Variants in CNTN6 observed in about 807,000 individuals in gnomAD.
CNTN6 encodes the protein contactin-6.
CNTN6 carries 137 observed loss-of-function variants against 122.8 expected under a neutral mutation model. The ratio of observed to expected loss-of-function variants is 1.12; its 90% CI spans 0.97 to 1.29. The LOEUF (loss-of-function observed/expected upper bound fraction) is 1.29. Among genes scored for constraint, CNTN6 ranks in the 50% most tolerant of loss-of-function variants. CNTN6 has a pLI of 0.00. For synonymous variants in CNTN6, 570 were observed against 426.0 expected (o/e 1.34, Z -4.16); for missense variants, 1,634 against 1,223.4 (o/e 1.34, Z -5.01).
chr3:1,124,438 C>A (rs1046022235), intron 1 of CNTN6, among the ~76,000 whole-genome samples: 3 of 151,888 alleles, frequency 2.0e-5, no homozygotes, highest in African/African-American at 7.2e-5. Flanking sequence ...TTCTCTTAGT[C>A]AAGTTACCTT....
chr3:1,325,782 T>A (rs749371369), intron 8 of CNTN6, 33 bp from the exon 9 acceptor site: 23 of 1,603,894 alleles, frequency 1.4e-5, no homozygotes, highest in Non-Finnish European at 2.0e-5. Context: ...AACTGCCTTT[T>A]ACCAAACAGT....
chr3:1,245,457 C>A (rs571542019), intron 4 of CNTN6, among the ~76,000 whole-genome samples: 11 of 146,970 alleles, frequency 7.5e-5, no homozygotes, highest in African/African-American at 2.8e-4. Flanking sequence ...AAACATCATA[C>A]GTTCTTATTC....
chr3:1,283,542 A>G (rs575728614), intron 5 of CNTN6, among the ~76,000 whole-genome samples: 2 of 152,336 alleles, frequency 1.3e-5, no homozygotes, highest in South Asian at 2.1e-4. Context: ...ATAAACTTCC[A>G]TGGACCCAGT....
intron 2 of CNTN6, among the ~76,000 whole-genome samples, chr3:1,172,620 C>CTGTGTGTGTGTGTGTGTG (rs3836248): frequency 6.7e-6 from 1 of 150,180 alleles, no homozygotes; most frequent in Non-Finnish European, 1.5e-5. Flanking sequence ...CAATAACTCT[C>CTGTGTGTGTGTGTGTGTG]TGTGTGTGTG....
intron 1 of CNTN6, among the ~76,000 whole-genome samples, chr3:1,125,174 T>C (rs1039484018): frequency 2.0e-5 from 3 of 152,022 alleles, no homozygotes; most frequent in Non-Finnish European, 4.4e-5. Context: ...GGAAATATTT[T>C]TATTTTAGTT....
chr3:1,182,858 G>GA (rs932862245), intron 2 of CNTN6, among the ~76,000 whole-genome samples: 1 of 151,468 alleles, frequency 6.6e-6, no homozygotes, highest in Non-Finnish European at 1.5e-5. Context: ...TTTCTTTTTT[G>GA]AAAAAAGTCA....
At chr3:1,255,335 G>T (rs532942464) in intron 4 of CNTN6, among the ~76,000 whole-genome samples, 1 of 151,956 alleles carries the variant, frequency 6.6e-6, no homozygotes, top group African/African-American at 2.4e-5. Context: ...TATGAGGAAT[G>T]GGGTAAGAAT....
chr3:1,179,975 T>A (rs2093523340), intron 2 of CNTN6, among the ~76,000 whole-genome samples: 1 of 152,174 alleles, frequency 6.6e-6, no homozygotes. Flanking sequence ...GGCACATATC[T>A]TTTTTTAGGT....
chr3:1,206,733 A>G (rs538401909), intron 2 of CNTN6, among the ~76,000 whole-genome samples: 1 of 152,282 alleles, frequency 6.6e-6, no homozygotes, highest in South Asian at 2.1e-4. Context: ...CACTCCACTC[A>G]GCAACTCTTG....
At position 1,333,478 on chromosome 3, in the gene CNTN6, A is replaced by C. The variant is rs755004914; in HGVS notation, c.1364+3543A>C. Among the ~76,000 whole-genome samples the C allele has an allele frequency of 3.3e-5, 5 of 152,226 alleles. No homozygotes were observed. In the South Asian group the frequency reaches 1.0e-3, roughly 32 times the overall value. ...ACACAGTTGTATATATATGAAGAAT[A>C]AAAAAGTCAGATATAGGAAAAAAGT... On this transcript the variant is annotated intron_variant, in intron 11 of 22. Transcript: ENST00000446702.
At chr3:1,240,692 A>G (rs1213820243) in intron 4 of CNTN6, among the ~76,000 whole-genome samples, 2 of 151,290 alleles carry the variant, frequency 1.3e-5, no homozygotes, top group Admixed American at 6.6e-5. Context: ...CCAGAGGAAA[A>G]GAAGTTATTA....
At chr3:1,200,932 T>C (rs1432470254) in intron 2 of CNTN6, among the ~76,000 whole-genome samples, 2 of 148,576 alleles carry the variant, frequency 1.3e-5, no homozygotes, top group Non-Finnish European at 1.5e-5. Flanking sequence ...GTTCTTTTTT[T>C]CTTTTTTTTT....
rs2125901160 is a variant in CNTN6, at chr3:1,304,022, A to G, written c.761+6031A>G. ...ATGTGACACTCCTATGCAGATCTTCAGAGCACATTATTTGAGTAATGCCAT... is the reference window on the plus strand; with the variant it reads ...ATGTGACACTCCTATGCAGATCTTCGGAGCACATTATTTGAGTAATGCCAT... On this transcript the variant is annotated intron_variant, in intron 7 of 22. Transcript: ENST00000446702. Among the ~76,000 whole-genome samples, 3 of 152,304 alleles carry G rather than the reference A, an allele frequency of 2.0e-5. No individual in the cohort carries two copies. The South Asian group carries it at 6.2e-4, about 32-fold the overall frequency.
At chr3:1,197,398 G>C (rs767150865) in intron 2 of CNTN6, among the ~76,000 whole-genome samples, 2 of 152,134 alleles carry the variant, frequency 1.3e-5, no homozygotes, top group African/African-American at 4.8e-5. Context: ...CTTGCTAATC[G>C]GCCTTTGTGA....
intron 12 of CNTN6, among the ~76,000 whole-genome samples, chr3:1,354,837 C>A (rs73094907): frequency 0.029 from 4,369 of 151,544 alleles, 231 homozygotes; most frequent in African/African-American, 0.1. Flanking sequence ...AAAAAACCAA[C>A]CTTTTTACAT....
intron 4 of CNTN6, among the ~76,000 whole-genome samples, chr3:1,257,941 T>A (rs2094786033): frequency 6.6e-6 from 1 of 152,182 alleles, no homozygotes; most frequent in Non-Finnish European, 1.5e-5. Flanking sequence ...ATGCAGCATC[T>A]AAACTAGAGA....
chr3:1,274,853 T>C (rs1164149715), intron 4 of CNTN6, among the ~76,000 whole-genome samples: 1 of 152,138 alleles, frequency 6.6e-6, no homozygotes, highest in African/African-American at 2.4e-5. Context: ...ATTCTAGGCT[T>C]CAGTCAAGAC....
At chr3:1,397,057 T>C (rs982703288) in intron 20 of CNTN6, among the ~76,000 whole-genome samples, 8 of 151,800 alleles carry the variant, frequency 5.3e-5, no homozygotes. Context: ...ATTTTCTTTG[T>C]TTGTTTGTTT....
intron 4 of CNTN6, among the ~76,000 whole-genome samples, chr3:1,276,201 A>G (rs1305329631): frequency 1.3e-5 from 2 of 152,174 alleles, no homozygotes; most frequent in Non-Finnish European, 2.9e-5. Context: ...ATTTTTTTAA[A>G]AATTCATTCT....
Sources: gnomAD v4.1 joint callset for allele counts (sites outside exome capture counted in the v4.1 genomes callset) on GRCh38, gnomAD v4.1.1 for gene constraint, MANE v1.5 for transcripts, NCBI Gene and HGNC (gene_info 2026-07-23, HGNC 2026-07-21) for gene names.